The following LRP1B variants were observed in gnomAD, a reference collection of about 807,000 sequenced individuals.
LRP1B encodes LDL receptor related protein 1B.
In LRP1B, 217 loss-of-function variants were observed where a neutral mutation model predicts 556.6. That is an observed-to-expected ratio of 0.39 (90% CI 0.35 to 0.44). LRP1B has a LOEUF of 0.44. Ranked by LOEUF, LRP1B falls within the 20% of genes least tolerant of loss-of-function variation. The pLI is 1.00. For synonymous variants in LRP1B, 2,047 were observed against 1,865.8 expected, an observed-to-expected ratio of 1.10 and a Z score of -2.50; for missense variants, 5,053 against 5,620.8, an observed-to-expected ratio of 0.90 and a Z score of 3.23.
chr2:141,212,263 T>C (rs1012267250), intron 6 of LRP1B, among the ~76,000 whole-genome samples: 48 of 54,480 alleles, frequency 8.8e-4, no homozygotes, highest in Middle Eastern at 7.6e-3. Flanking sequence ...TTTTTTTTTT[T>C]TTTTTTTTTT....
At chr2:140,375,709 A>G (rs757849643) in intron 68 of LRP1B, among the ~76,000 whole-genome samples, 1 of 152,142 alleles carries the variant, frequency 6.6e-6, no homozygotes, top group Non-Finnish European at 1.5e-5. Context: ...AACAATGTCT[A>G]TGGATGCAGT....
At chr2:140,916,308 A>G (rs950006511) in intron 21 of LRP1B, among the ~76,000 whole-genome samples, 1 of 152,192 alleles carries the variant, frequency 6.6e-6, no homozygotes, top group African/African-American at 2.4e-5. Context: ...AATAATCCAG[A>G]TTGGTTTTCC....
intron 1 of LRP1B, among the ~76,000 whole-genome samples, chr2:142,060,323 A>C (rs1704858886): frequency 6.6e-6 from 1 of 152,018 alleles, no homozygotes; most frequent in Non-Finnish European, 1.5e-5. Context: ...CTGGGTGTCA[A>C]AGGTGCTCCA....
At chr2:140,920,562 G>T (rs1161530570) in intron 21 of LRP1B, among the ~76,000 whole-genome samples, 1 of 151,878 alleles carries the variant, frequency 6.6e-6, no homozygotes, top group Non-Finnish European at 1.5e-5. Context: ...AATATCAAAA[G>T]GTTTGTAGAT....
At chr2:141,716,435 T>A (rs945595672) in intron 2 of LRP1B, among the ~76,000 whole-genome samples, 3 of 152,180 alleles carry the variant, frequency 2.0e-5, no homozygotes, top group African/African-American at 4.8e-5. Context: ...GTATATATAT[T>A]TTTTTCAGAG....
At chr2:142,120,455 C>T (rs1037015558) in intron 1 of LRP1B, among the ~76,000 whole-genome samples, 1 of 152,122 alleles carries the variant, frequency 6.6e-6, no homozygotes, top group Non-Finnish European at 1.5e-5. Flanking sequence ...GTGATGAATA[C>T]AGCCAATAAT....
chr2:141,835,205 A>G (rs572445165), intron 1 of LRP1B, among the ~76,000 whole-genome samples: 1 of 152,142 alleles, frequency 6.6e-6, no homozygotes, highest in Non-Finnish European at 1.5e-5. Flanking sequence ...ACACAAAATT[A>G]TTGATTTTCC....
At chr2:140,425,267 T>C (rs540468872) in intron 66 of LRP1B, among the ~76,000 whole-genome samples, 2 of 152,348 alleles carry the variant, frequency 1.3e-5, no homozygotes, top group East Asian at 3.9e-4. Context: ...AAATTACCTA[T>C]TCCATTAATT....
rs1045896479 is a variant in LRP1B at position 142,015,935 on chromosome 2, T to C, written c.82+114713A>G. ...ATAGCCCGGGAGTCGGAGCTTGCAG[T>C]GAGCCGAGATCGTGCCACTGCACTC... is the stretch of plus-strand genomic sequence containing the variant. On this transcript the variant is annotated intron_variant, in intron 1 of 90. Coordinates refer to ENST00000389484, the MANE Select transcript of LRP1B (RefSeq NM_018557.3). Among the ~76,000 whole-genome samples the C allele has an allele frequency of 3.0e-4, 39 of 129,480 alleles. 1 individual carries two copies. The highest frequency in any genetic ancestry group is 8.0e-4 in the Admixed American group (8 of 10,042). 84.9% of individuals were successfully genotyped at this position (129,480 alleles called of 152,430 possible).
At chr2:140,252,495 A>G (rs1422963921) in intron 86 of LRP1B, among the ~76,000 whole-genome samples, 1 of 152,060 alleles carries the variant, frequency 6.6e-6, no homozygotes, top group East Asian at 1.9e-4. Context: ...AGCGGAACTA[A>G]TAAGTGGTAG....
At chr2:141,453,634 T>G (rs1233241012) in intron 3 of LRP1B, among the ~76,000 whole-genome samples, 1 of 152,124 alleles carries the variant, frequency 6.6e-6, no homozygotes, top group East Asian at 1.9e-4. Flanking sequence ...AGTTCTACTG[T>G]TAGCTGGGCT....
chr2:141,496,424 C>T (rs1683510445), intron 2 of LRP1B, among the ~76,000 whole-genome samples: 1 of 152,064 alleles, frequency 6.6e-6, no homozygotes, highest in Non-Finnish European at 1.5e-5. Flanking sequence ...ACACAGACTA[C>T]TCTTTAATTA....
At chr2:141,256,712 A>AG (rs1684478509) in intron 3 of LRP1B, among the ~76,000 whole-genome samples, 1 of 152,124 alleles carries the variant, frequency 6.6e-6, no homozygotes, top group Admixed American at 6.6e-5. Context: ...AAGTACTACG[A>AG]GTTTGGGAAG....
chr2:140,743,393 A>G (rs1688204339), intron 35 of LRP1B, among the ~76,000 whole-genome samples: 1 of 152,190 alleles, frequency 6.6e-6, no homozygotes, highest in Non-Finnish European at 1.5e-5. Flanking sequence ...GGAAAAACAG[A>G]GAGATTGGAA....
chr2:141,687,754 G>C (rs768217319), intron 2 of LRP1B, among the ~76,000 whole-genome samples: 1 of 151,814 alleles, frequency 6.6e-6, no homozygotes, highest in South Asian at 2.1e-4. Context: ...AGTTCTGCAG[G>C]CTAGAAGATA....
At chr2:142,101,106 G>C (rs531056180) in intron 1 of LRP1B, among the ~76,000 whole-genome samples, 199 of 151,990 alleles carry the variant, frequency 1.3e-3, no homozygotes, top group Non-Finnish European at 2.4e-3. Flanking sequence ...AAATAAGTGT[G>C]CTAACAGGCT....
intron 1 of LRP1B, among the ~76,000 whole-genome samples, chr2:141,880,546 AT>A (rs1275255494): frequency 1.3e-5 from 2 of 152,078 alleles, no homozygotes; most frequent in Non-Finnish European, 2.9e-5. Flanking sequence ...AAAAAAGGAA[AT>A]AAAAATTAGA....
At chr2:141,541,899 A>G (rs972593544) in intron 2 of LRP1B, among the ~76,000 whole-genome samples, 1 of 152,222 alleles carries the variant, frequency 6.6e-6, no homozygotes, top group Non-Finnish European at 1.5e-5. Context: ...ATTGCTAAAT[A>G]TATATTACAT....
chr2:141,373,852 CTTTG>C (rs1043833100), intron 3 of LRP1B, among the ~76,000 whole-genome samples: 6 of 151,742 alleles, frequency 4.0e-5, no homozygotes, highest in African/African-American at 1.2e-4. Flanking sequence ...TTCCTTTTCT[CTTTG>C]TTTTATTTTG....
Sources: gnomAD v4.1 joint callset for allele counts (sites outside exome capture counted in the v4.1 genomes callset) on GRCh38, gnomAD v4.1.1 for gene constraint, MANE v1.5 for transcripts, NCBI Gene and HGNC (gene_info 2026-07-23, HGNC 2026-07-21) for gene names.